The following CAMKMT variants were observed in gnomAD, a reference collection of about 807,000 sequenced individuals.
The protein encoded by CAMKMT is calmodulin-lysine N-methyltransferase.
Under a neutral mutation model 48.0 loss-of-function variants are expected in CAMKMT, and 53 were observed. The ratio of observed to expected loss-of-function variants is 1.10; its 90% CI spans 0.89 to 1.39. The LOEUF (loss-of-function observed/expected upper bound fraction) is 1.39, where lower values mean the gene tolerates loss of function less well. CAMKMT is among the 40% of genes most tolerant of loss of function. The pLI is 0.00. For synonymous variants in CAMKMT, 165 were observed against 152.3 expected (o/e 1.08, Z -0.61); for missense variants, 428 against 402.7 (o/e 1.06, Z -0.54).
rs1025908177 is a variant in CAMKMT at position 44,408,965 on chromosome 2, C to T, written c.376+18660C>T. Among the ~76,000 whole-genome samples the T allele has an allele frequency of 4.6e-5, 7 of 151,548 alleles. No individual in the cohort carries two copies. The East Asian group carries it at 9.8e-4, about 21-fold the overall frequency. On this transcript the variant is annotated intron_variant, in intron 3 of 10. Coordinates refer to ENST00000378494, the MANE Select transcript of CAMKMT (RefSeq NM_024766.5). ...CCACGTTGCCCAGGCTGGTCTTGAA[C>T]TCCTGAGCTCAAGCGATTTGCCTGC...
At chr2:44,659,578 A>G (rs1261448964) in intron 3 of CAMKMT, among the ~76,000 whole-genome samples, 1 of 151,950 alleles carries the variant, frequency 6.6e-6, no homozygotes, top group Non-Finnish European at 1.5e-5. Context: ...AAAAAAAAAA[A>G]AAGAAAAATT....
intron 3 of CAMKMT, among the ~76,000 whole-genome samples, chr2:44,441,491 A>G (rs1294022792): frequency 6.6e-6 from 1 of 152,120 alleles, no homozygotes; most frequent in Non-Finnish European, 1.5e-5. Flanking sequence ...AGTACCAAGC[A>G]TTTCATCTTG....
rs867680662 is a variant in CAMKMT, at chr2:44,543,099, T to C, written c.376+152794T>C. On this transcript the variant is annotated intron_variant, in intron 3 of 10. Coordinates refer to ENST00000378494, the MANE Select transcript of CAMKMT (RefSeq NM_024766.5). ...AGTAGGAATAACCTGGAAATTATGT[T>C]CATTTATATGTGATTTTCCTGCTTT... 2.0e-5 allele frequency among the ~76,000 whole-genome samples: 3 copies of C among 152,220 alleles called. No individual in the cohort carries two copies. The South Asian group carries it at 6.2e-4, about 32-fold the overall frequency.
At chr2:44,480,448 T>C (rs1030001173) in intron 3 of CAMKMT, among the ~76,000 whole-genome samples, 3 of 152,190 alleles carry the variant, frequency 2.0e-5, no homozygotes, top group African/African-American at 7.2e-5. Flanking sequence ...AGTTGCAAAA[T>C]GCTAAATAAA....
chr2:44,708,470 T>G (rs1019871776), intron 6 of CAMKMT, among the ~76,000 whole-genome samples: 1 of 151,944 alleles, frequency 6.6e-6, no homozygotes, highest in African/African-American at 2.4e-5. Flanking sequence ...TCAGTAACAC[T>G]TGTATGCTCT....
intron 2 of CAMKMT, among the ~76,000 whole-genome samples, chr2:44,381,503 A>G (rs1680235766): frequency 6.6e-6 from 1 of 152,188 alleles, no homozygotes; most frequent in Non-Finnish European, 1.5e-5. Flanking sequence ...TCAGAAATAG[A>G]TTTGATGTTT....
At chr2:44,421,699 T>C (rs999290653) in intron 3 of CAMKMT, among the ~76,000 whole-genome samples, 2 of 152,248 alleles carry the variant, frequency 1.3e-5, no homozygotes, top group African/African-American at 2.4e-5. Flanking sequence ...GAAAGCATTC[T>C]CTTTTTCTTA....
At chr2:44,597,029 C>T (rs1008688124) in intron 3 of CAMKMT, among the ~76,000 whole-genome samples, 1 of 152,048 alleles carries the variant, frequency 6.6e-6, no homozygotes, top group African/African-American at 2.4e-5. Flanking sequence ...TCAATAATTG[C>T]AAAATTTGCT....
chr2:44,449,447 A>G (rs1205935631), intron 3 of CAMKMT, among the ~76,000 whole-genome samples: 4 of 152,134 alleles, frequency 2.6e-5, no homozygotes, highest in South Asian at 2.1e-4. Context: ...TTTCTTCCCA[A>G]TTATCCAATT....
intron 3 of CAMKMT, among the ~76,000 whole-genome samples, chr2:44,457,987 G>C (rs923102126): frequency 2.1e-4 from 31 of 149,006 alleles, no homozygotes; most frequent in African/African-American, 7.1e-4. Flanking sequence ...TTTGGAGTCA[G>C]ATTAATCTGG....
At chr2:44,566,429 T>C (rs548173301) in intron 3 of CAMKMT, among the ~76,000 whole-genome samples, 2 of 152,216 alleles carry the variant, frequency 1.3e-5, no homozygotes, top group Non-Finnish European at 1.5e-5. Context: ...TGAAAAAGAA[T>C]AAATTGCTAA....
intron 3 of CAMKMT, among the ~76,000 whole-genome samples, chr2:44,412,795 G>C (rs1052039793): frequency 6.6e-6 from 1 of 151,884 alleles, no homozygotes; most frequent in East Asian, 1.9e-4. Flanking sequence ...AAATAAAGAG[G>C]CTGGGCACGG....
At chr2:44,582,930 C>T (rs534489937) in intron 3 of CAMKMT, among the ~76,000 whole-genome samples, 1 of 152,248 alleles carries the variant, frequency 6.6e-6, no homozygotes, top group South Asian at 2.1e-4. Flanking sequence ...TATTCCTTTC[C>T]TTTATCTTTT....
intron 3 of CAMKMT, among the ~76,000 whole-genome samples, chr2:44,525,698 A>G (rs1558677967): frequency 6.6e-6 from 1 of 152,198 alleles, no homozygotes. Context: ...GAATTAGTGT[A>G]CTTATTTTAT....
At chr2:44,585,054 GA>G (rs780810549) in intron 3 of CAMKMT, among the ~76,000 whole-genome samples, 174 of 139,640 alleles carry the variant, frequency 1.2e-3, no homozygotes, top group Middle Eastern at 3.9e-3. Context: ...GACTCCGTCT[GA>G]AAAAAAAAAA....
At chr2:44,699,311 A>G (rs148446291) in intron 3 of CAMKMT, among the ~76,000 whole-genome samples, 2 of 152,366 alleles carry the variant, frequency 1.3e-5, no homozygotes, top group African/African-American at 4.8e-5. Flanking sequence ...TTGAAAGTCA[A>G]AATGACTCCT....
intron 3 of CAMKMT, among the ~76,000 whole-genome samples, chr2:44,478,190 T>G (rs939434414): frequency 1.3e-5 from 2 of 152,252 alleles, no homozygotes; most frequent in South Asian, 2.1e-4. Context: ...TTTTGAAATA[T>G]TCACCCAATA....
chr2:44,556,377 G>C (rs1006463535), intron 3 of CAMKMT, among the ~76,000 whole-genome samples: 1 of 150,540 alleles, frequency 6.6e-6, no homozygotes, highest in Non-Finnish European at 1.5e-5. Context: ...GACCTCTGGT[G>C]ATCCACCTGC....
intron 9 of CAMKMT, among the ~76,000 whole-genome samples, chr2:44,766,018 C>T (rs76991019): frequency 6.6e-6 from 1 of 152,202 alleles, no homozygotes; most frequent in Non-Finnish European, 1.5e-5. Flanking sequence ...TCTGTTGTCA[C>T]ATGCCCCAGG....
Sources: gnomAD v4.1 joint callset for allele counts (sites outside exome capture counted in the v4.1 genomes callset) on GRCh38, gnomAD v4.1.1 for gene constraint, MANE v1.5 for transcripts, NCBI Gene and HGNC (gene_info 2026-07-23, HGNC 2026-07-21) for gene names.